ADAM2: variants seen among roughly 807,000 people sequenced by gnomAD.
The protein encoded by ADAM2 is ADAM metallopeptidase domain 2, also known as disintegrin and metalloproteinase domain-containing protein 2.
Under a neutral mutation model 99.3 loss-of-function variants are expected in ADAM2, and 101 were observed. That is an observed-to-expected ratio of 1.02 (90% confidence interval 0.87 to 1.20). The LOEUF is 1.20. Ranked by LOEUF, ADAM2 falls within the 50% of genes most tolerant of loss-of-function variation. The pLI, the probability that ADAM2 is intolerant of heterozygous loss-of-function variation, is 0.00. For missense variants in ADAM2, 948 were observed against 878.7 expected (o/e 1.08, Z -1.00); for synonymous variants, 323 against 287.6 (o/e 1.12, Z -1.25).
At chr8:39,754,320 C>G (rs975335376) in intron 16 of ADAM2, among the ~76,000 whole-genome samples, 1 of 152,154 alleles carries the variant, frequency 6.6e-6, no homozygotes, top group Non-Finnish European at 1.5e-5. Flanking sequence ...GAGTCTGGAT[C>G]ATTGATGACA....
intron 10 of ADAM2, among the ~76,000 whole-genome samples, chr8:39,777,646 A>T (rs756351048): frequency 4.6e-5 from 7 of 152,160 alleles, no homozygotes; most frequent in Non-Finnish European, 8.8e-5. Context: ...TCAGTTAACA[A>T]CACTTACTGT....
chr8:39,789,621 C>G (rs1444497991), intron 7 of ADAM2, among the ~76,000 whole-genome samples: 1 of 151,418 alleles, frequency 6.6e-6, no homozygotes, highest in Non-Finnish European at 1.5e-5. Flanking sequence ...AATTGAGTGC[C>G]CAGAAATAGA....
chr8:39,786,879 A>C lies in ADAM2; in HGVS notation c.891+95T>G, dbSNP rs1252276044. The stretch of plus-strand genomic sequence containing the variant: ...CAACAGTGACAAAGATGCTTAGAAC[A>C]ATGCAAATTTTAATACACATAAAAA... On this transcript the variant is annotated intron_variant, in intron 10 of 20. Transcript: ENST00000265708. The C allele has an allele frequency of 9.9e-6, 9 of 904,750 alleles. No individual in the cohort carries two copies. In the East Asian group the frequency reaches 2.7e-4, roughly 27 times the overall value. The allele number at this position is 904,750 out of a possible 1,614,324, so 56.0% of individuals were successfully genotyped here.
At chr8:39,766,350 A>T (rs1164496890) in intron 14 of ADAM2, among the ~76,000 whole-genome samples, 1 of 152,078 alleles carries the variant, frequency 6.6e-6, no homozygotes, top group African/African-American at 2.4e-5. Context: ...TATTATTTTG[A>T]TGAAAGTAAT....
intron 6 of ADAM2, among the ~76,000 whole-genome samples, chr8:39,815,379 G>A (rs1283354237): frequency 2.0e-5 from 3 of 152,058 alleles, no homozygotes; most frequent in Non-Finnish European, 4.4e-5. Flanking sequence ...AGAATTATAA[G>A]GATGGAACTC....
chr8:39,818,434 C>T (rs1805040594), intron 6 of ADAM2, among the ~76,000 whole-genome samples: 1 of 151,914 alleles, frequency 6.6e-6, no homozygotes, highest in African/African-American at 2.4e-5. Flanking sequence ...CTTCTTTAAC[C>T]TGATAAAGGG....
At chr8:39,744,595 G>A (rs1219292101) in intron 20 of ADAM2, among the ~76,000 whole-genome samples, 1 of 151,998 alleles carries the variant, frequency 6.6e-6, no homozygotes, top group Admixed American at 6.6e-5. Flanking sequence ...GAAAACACAT[G>A]GACACAGGGA....
At chr8:39,819,842 C>T (rs1805105405) in intron 6 of ADAM2, among the ~76,000 whole-genome samples, 2 of 137,482 alleles carry the variant, frequency 1.5e-5, no homozygotes, top group African/African-American at 2.8e-5. Flanking sequence ...TACACAAACA[C>T]ACACATATAT....
intron 7 of ADAM2, among the ~76,000 whole-genome samples, chr8:39,799,843 A>C (rs923297930): frequency 1.3e-5 from 2 of 152,170 alleles, no homozygotes; most frequent in African/African-American, 4.8e-5. Flanking sequence ...TTTGTCAGAG[A>C]CTAGGAATAC....
At chr8:39,806,798 A>C (rs1405838367) in intron 7 of ADAM2, among the ~76,000 whole-genome samples, 2 of 152,302 alleles carry the variant, frequency 1.3e-5, no homozygotes, top group East Asian at 3.9e-4. Flanking sequence ...ACCCTAAGGA[A>C]ATGGCTGCAC....
At chr8:39,796,821 C>A (rs536425385) in intron 7 of ADAM2, among the ~76,000 whole-genome samples, 1 of 151,944 alleles carries the variant, frequency 6.6e-6, no homozygotes, top group Non-Finnish European at 1.5e-5. Context: ...TCCATATGTT[C>A]ATTGGCCAGA....
At chr8:39,767,879 G>A (rs1291385444) in intron 12 of ADAM2, among the ~76,000 whole-genome samples, 1 of 140,824 alleles carries the variant, frequency 7.1e-6, no homozygotes. Context: ...AGATAAGAAG[G>A]CTAAAAGACA....
At chr8:39,750,755 T>A (rs180883634) in intron 16 of ADAM2, among the ~76,000 whole-genome samples, 82 of 152,286 alleles carry the variant, frequency 5.4e-4, no homozygotes, top group Admixed American at 5.0e-3. Context: ...TGCTGGTAGT[T>A]AAATCAACTG....
chr8:39,776,930 C>G, intron 11 of ADAM2, 95 bp downstream of exon 11: 1 of 776,006 alleles, frequency 1.3e-6, no homozygotes, highest in Non-Finnish European at 2.1e-6. Flanking sequence ...CACAGCTGAT[C>G]GCCATTATTA....
In ADAM2 at chr8:39,838,132, A is replaced by G. The variant is rs1371752525; in HGVS notation, c.54T>C (p.Ser18=). 4 of 1,613,916 alleles carry G rather than the reference A, an allele frequency of 2.5e-6. No individual in the cohort carries two copies. Among genetic ancestry groups the G allele is most frequent in the African/African-American group, 2.7e-5 (2 of 74,874 alleles). The change falls in exon 1 of 21, where the codon AGT becomes AGC. Residue 18 remains serine (S), a splice_region_variant and synonymous_variant. Transcript: ENST00000265708. The part of the protein sequence containing the change: ...LSGLGGLRMD[S]NFDSLPVQIT... The stretch of plus-strand genomic sequence containing the variant: ...CAGAGGAGGGGTTTTTCTGCTTACT[A>G]CTGTCCATCCGCAGCCCGCCGAGCC...
At chr8:39,804,313 A>T (rs1804344541) in intron 7 of ADAM2, among the ~76,000 whole-genome samples, 1 of 152,192 alleles carries the variant, frequency 6.6e-6, no homozygotes, top group Non-Finnish European at 1.5e-5. Context: ...ATGGCAAGGG[A>T]GTTGCAGGTG....
At position 39,788,185 on chromosome 8, in the gene ADAM2, T is replaced by C; in HGVS notation, c.709A>G (p.Ile237Val). The change falls in exon 9 of 21, where the codon ATT becomes GTT. Residue 237 changes from isoleucine to valine, a missense_variant. Coordinates refer to ENST00000265708, the MANE Select transcript of ADAM2 (RefSeq NM_001464.5). ...TCATTAGCTTCTCCAGTGGTTGCAATTTTATTTTCATCTATCCAAAGCTCC... is the reference window on the plus strand; with the variant it reads ...TCATTAGCTTCTCCAGTGGTTGCAACTTTATTTTCATCTATCCAAAGCTCC... Reference protein sequence around the residue: ...SLELWIDENKIATTGEANELL... With the variant: ...SLELWIDENKVATTGEANELL... 6.3e-7 allele frequency: 1 copy of C among 1,586,086 alleles called. No homozygotes were observed. Among genetic ancestry groups the C allele is most frequent in the Non-Finnish European group, 8.6e-7 (1 of 1,163,248 alleles).
chr8:39,792,864 C>T (rs951164824), intron 7 of ADAM2, among the ~76,000 whole-genome samples: 8 of 152,034 alleles, frequency 5.3e-5, no homozygotes, highest in Admixed American at 4.6e-4. Flanking sequence ...TTCTGCCCTC[C>T]GTGGTAATAG....
intron 18 of ADAM2, among the ~76,000 whole-genome samples, chr8:39,747,807 A>G (rs1006255899): frequency 2.6e-5 from 4 of 152,166 alleles, no homozygotes; most frequent in African/African-American, 9.6e-5. Context: ...TTACCACTTC[A>G]TAATAATGGT....
Sources: gnomAD v4.1 joint callset for allele counts (sites outside exome capture counted in the v4.1 genomes callset) on GRCh38, gnomAD v4.1.1 for gene constraint, MANE v1.5 for transcripts, NCBI Gene and HGNC (gene_info 2026-07-23, HGNC 2026-07-21) for gene names.